Variants in CDH8 observed in about 807,000 individuals in gnomAD.
CDH8 encodes cadherin 8, also known as cadherin-8.
In CDH8, 17 loss-of-function variants were observed where a neutral mutation model predicts 68.1. The ratio of observed to expected loss-of-function variants is 0.25; its 90% CI spans 0.17 to 0.37. CDH8 has a LOEUF of 0.37. Ranked by LOEUF, CDH8 falls within the 10% of genes least tolerant of loss-of-function variation. CDH8 has a pLI of 1.00. For synonymous variants in CDH8, 372 were observed against 365.1 expected (o/e 1.02, Z -0.21); for missense variants, 763 against 999.3 (o/e 0.76, Z 3.19).
chr16:61,754,934 C>T (rs983411987), intron 8 of CDH8, among the ~76,000 whole-genome samples: 4 of 152,142 alleles, frequency 2.6e-5, no homozygotes, highest in Non-Finnish European at 5.9e-5. Flanking sequence ...TTCCTCCCTC[C>T]TCTAGCAGGC....
intron 2 of CDH8, among the ~76,000 whole-genome samples, chr16:61,996,318 C>T (rs577993645): frequency 6.6e-6 from 1 of 152,272 alleles, no homozygotes; most frequent in East Asian, 1.9e-4. Context: ...CAGGGAATGG[C>T]AAACTCTGCA....
chr16:61,700,293 TC>T (rs1462632932), intron 10 of CDH8, among the ~76,000 whole-genome samples: 9 of 151,232 alleles, frequency 6.0e-5, no homozygotes, highest in African/African-American at 2.2e-4. Flanking sequence ...TTTTTTTTTT[TC>T]TTTTGAGACG....
chr16:62,001,324 G>A (rs1450246593), intron 2 of CDH8, among the ~76,000 whole-genome samples: 1 of 152,144 alleles, frequency 6.6e-6, no homozygotes, highest in African/African-American at 2.4e-5. Flanking sequence ...TAGGATTTCT[G>A]GGTTGGGGTG....
Position 61,654,079 on chromosome 16 carries a change from A to G in CDH8, c.1929T>C (p.Thr643=), listed in dbSNP as rs1596833032. The G allele has an allele frequency of 1.2e-6, 2 of 1,613,458 alleles. No individual in the cohort carries two copies. The highest frequency in any genetic ancestry group is 1.3e-5 in the African/African-American group (1 of 74,978). ...LLLVIVVLFV[T]LRRHKNEPLI... is the part of the protein sequence containing the mutation. The stretch of plus-strand genomic sequence containing the variant: ...ATGGTTCATTTTTATGCCGCCGTAG[A>G]GTTACAAACAGCACCACGATGACTA... Residue 643 remains threonine (T), a synonymous_variant, in exon 12 of 12, where the codon ACT becomes ACC. Coordinates refer to ENST00000577390, the MANE Select transcript of CDH8 (RefSeq NM_001796.5).
intron 4 of CDH8, among the ~76,000 whole-genome samples, chr16:61,852,897 T>TCCTTCCTTCCTTTCTTCCTTC (rs149266274): frequency 8.3e-6 from 1 of 121,208 alleles, no homozygotes; most frequent in Non-Finnish European, 1.7e-5. Context: ...TTCCTTCCAT[T>TCCTTCCTTCCTTTCTTCCTTC]CTTCCTTCCT....
intron 2 of CDH8, among the ~76,000 whole-genome samples, chr16:61,905,469 A>G (rs1484092340): frequency 6.6e-6 from 1 of 151,986 alleles, no homozygotes; most frequent in Non-Finnish European, 1.5e-5. Flanking sequence ...GTTATTATTA[A>G]TGTATTGACT....
intron 2 of CDH8, among the ~76,000 whole-genome samples, chr16:61,943,675 G>C (rs1964758434): frequency 6.6e-6 from 1 of 152,148 alleles, no homozygotes; most frequent in Non-Finnish European, 1.5e-5. Context: ...TCCATGTACT[G>C]TGTTAACTTT....
chr16:61,956,671 C>G (rs975995737), intron 2 of CDH8, among the ~76,000 whole-genome samples: 2 of 152,144 alleles, frequency 1.3e-5, no homozygotes, highest in Non-Finnish European at 1.5e-5. Flanking sequence ...ATTTATTTTA[C>G]TTCTCAAGTA....
chr16:61,940,182 CTT>C (rs1046029295), intron 2 of CDH8: 3 of 152,134 alleles, frequency 2.0e-5, no homozygotes, highest in African/African-American at 7.2e-5. Flanking sequence ...ACTTCTACCT[CTT>C]ATCTCCTTTG....
chr16:61,930,325 A>AT (rs1228191091), intron 2 of CDH8, among the ~76,000 whole-genome samples: 2 of 151,898 alleles, frequency 1.3e-5, no homozygotes, highest in African/African-American at 2.4e-5. Context: ...ATACGCAGGC[A>AT]TTTTTTAATG....
chr16:61,951,060 AC>A (rs1271936392), intron 2 of CDH8, among the ~76,000 whole-genome samples: 2 of 151,926 alleles, frequency 1.3e-5, no homozygotes, highest in Non-Finnish European at 2.9e-5. Flanking sequence ...GTTAAAAAAA[AC>A]CTCCACATTC....
At chr16:61,797,898 T>C (rs1383346689) in intron 7 of CDH8, among the ~76,000 whole-genome samples, 1 of 152,150 alleles carries the variant, frequency 6.6e-6, no homozygotes, top group Non-Finnish European at 1.5e-5. Flanking sequence ...CAAATCTATG[T>C]CAATTCATTT....
intron 8 of CDH8, among the ~76,000 whole-genome samples, chr16:61,769,139 GAGAC>G (rs1335878125): frequency 6.6e-6 from 1 of 151,766 alleles, no homozygotes; most frequent in Non-Finnish European, 1.5e-5. Flanking sequence ...TTTCAACTGT[GAGAC>G]AGACAAAGGC....
intron 3 of CDH8, among the ~76,000 whole-genome samples, chr16:61,891,347 T>C (rs1306061300): frequency 1.4e-5 from 2 of 143,800 alleles, no homozygotes; most frequent in Non-Finnish European, 3.0e-5. Flanking sequence ...ACCTTGTTCA[T>C]ATTGTCATCA....
chr16:61,810,570 G>A (rs752257216), intron 7 of CDH8, among the ~76,000 whole-genome samples: 1 of 151,964 alleles, frequency 6.6e-6, no homozygotes, highest in East Asian at 1.9e-4. Flanking sequence ...TTACTACAAG[G>A]TTCTCTACAG....
intron 2 of CDH8, chr16:61,918,822 A>G (rs1597065075): frequency 6.6e-6 from 1 of 151,516 alleles, no homozygotes; most frequent in African/African-American, 2.4e-5. Flanking sequence ...CCACAGCTCA[A>G]GGAGGCCTGC....
chr16:61,784,053 A>G (rs1332976853), intron 8 of CDH8, among the ~76,000 whole-genome samples: 2 of 151,892 alleles, frequency 1.3e-5, no homozygotes, highest in Non-Finnish European at 2.9e-5. Context: ...ACCAGCTAAC[A>G]TCATAATGAC....
rs1965957942 is a variant in CDH8 at position 62,005,377 on chromosome 16, C to T, written c.252+15775G>A. On this transcript the variant is annotated intron_variant, in intron 2 of 11. Coordinates refer to ENST00000577390, the MANE Select transcript of CDH8 (RefSeq NM_001796.5). Reference sequence around the variant, plus strand: ...GGTGCTAGGCTATGTTAAAGAGTACCATCTTAGATGATGTGAAGCTCAGAG... The same window carrying T: ...GGTGCTAGGCTATGTTAAAGAGTACTATCTTAGATGATGTGAAGCTCAGAG... Among the ~76,000 whole-genome samples, 3 of 152,120 alleles carry T rather than the reference C, an allele frequency of 2.0e-5. No individual in the cohort carries two copies. The South Asian group carries it at 6.2e-4, about 32-fold the overall frequency.
chr16:61,748,437 C>A (rs921593380), intron 8 of CDH8, among the ~76,000 whole-genome samples: 7 of 151,926 alleles, frequency 4.6e-5, no homozygotes, highest in African/African-American at 1.7e-4. Flanking sequence ...TGAGTGCCAG[C>A]TACACTTATA....
Sources: gnomAD v4.1 joint callset for allele counts (sites outside exome capture counted in the v4.1 genomes callset) on GRCh38, gnomAD v4.1.1 for gene constraint, MANE v1.5 for transcripts, NCBI Gene and HGNC (gene_info 2026-07-23, HGNC 2026-07-21) for gene names.